The following CDK19 variants were observed in gnomAD, a reference collection of about 807,000 sequenced individuals.
The protein encoded by CDK19 is cyclin-dependent kinase 19.
CDK19 carries 20 observed loss-of-function variants against 68.3 expected under a neutral mutation model. The observed-to-expected ratio is 0.29, with a 90% CI of 0.21 to 0.43. CDK19 has a LOEUF of 0.43. Among genes scored for constraint, CDK19 ranks in the 20% least tolerant of loss-of-function variants. The pLI, the probability that CDK19 is intolerant of heterozygous loss-of-function variation, is 1.00. For missense variants in CDK19, 339 were observed against 623.5 expected (o/e 0.54, Z 4.86); for synonymous variants, 221 against 222.8 (o/e 0.99, Z 0.07).
chr6:110,754,727 G>A (rs1472627840), intron 1 of CDK19, among the ~76,000 whole-genome samples: 6 of 151,994 alleles, frequency 3.9e-5, no homozygotes, highest in Admixed American at 1.3e-4. Flanking sequence ...TGATGCACCC[G>A]CCTTGGCTTC....
At chr6:110,631,355 C>T (rs1453761010) in intron 6 of CDK19, among the ~76,000 whole-genome samples, 1 of 152,206 alleles carries the variant, frequency 6.6e-6, no homozygotes, top group Non-Finnish European at 1.5e-5. Flanking sequence ...TGACTCCCTC[C>T]ATTCACAGCT....
At chr6:110,743,655 A>G (rs913785430) in intron 2 of CDK19, among the ~76,000 whole-genome samples, 2 of 152,178 alleles carry the variant, frequency 1.3e-5, no homozygotes, top group African/African-American at 4.8e-5. Flanking sequence ...CAAAAAAAAA[A>G]GAATGAAGGC....
intron 2 of CDK19, among the ~76,000 whole-genome samples, chr6:110,742,419 T>C (rs1004794694): frequency 1.3e-5 from 2 of 152,154 alleles, no homozygotes; most frequent in African/African-American, 2.4e-5. Flanking sequence ...GTTTGAACAA[T>C]ATGAAATCAG....
At chr6:110,685,667 G>A (rs770401188) in intron 2 of CDK19, among the ~76,000 whole-genome samples, 73 of 152,168 alleles carry the variant, frequency 4.8e-4, no homozygotes, top group Non-Finnish European at 9.4e-4. Flanking sequence ...TAAAAAGTCT[G>A]ATAAATTGTT....
chr6:110,769,811 G>A (rs1779880731), intron 1 of CDK19, among the ~76,000 whole-genome samples: 1 of 152,150 alleles, frequency 6.6e-6, no homozygotes, highest in South Asian at 2.1e-4. Context: ...ACTCTATTGA[G>A]ATTCTCAACT....
rs569829246 is a variant in CDK19, at chr6:110,645,120, T to C, written c.457-6414A>G. On this transcript the variant is annotated intron_variant, in intron 4 of 12. Coordinates refer to ENST00000368911, the MANE Select transcript of CDK19 (RefSeq NM_015076.5). ...ATTAACTAGGATGATCTAGAGAGCA[T>C]ATACACAACTTTCTATCCAGTAATT... Among the ~76,000 whole-genome samples, 207 of 152,190 alleles carry C rather than the reference T, an allele frequency of 1.4e-3. 2 individuals are homozygous for C. Among genetic ancestry groups the C allele is most frequent in the Non-Finnish European group, 1.7e-3 (118 of 68,022 alleles).
intron 4 of CDK19, among the ~76,000 whole-genome samples, chr6:110,646,717 T>C (rs1391888742): frequency 6.6e-6 from 1 of 152,120 alleles, no homozygotes; most frequent in African/African-American, 2.4e-5. Flanking sequence ...TCCCTATCGA[T>C]GCAGTTAACC....
chr6:110,748,734 G>A (rs1778243951), intron 1 of CDK19, among the ~76,000 whole-genome samples: 1 of 152,220 alleles, frequency 6.6e-6, no homozygotes, highest in Admixed American at 6.5e-5. Context: ...ATATTTCAAT[G>A]ATTAGGCACA....
chr6:110,649,824 A>G (rs1780853054), intron 4 of CDK19, among the ~76,000 whole-genome samples: 1 of 152,194 alleles, frequency 6.6e-6, no homozygotes, highest in Admixed American at 6.5e-5. Flanking sequence ...GATGGGTTCA[A>G]AATTTAGAAC....
At chr6:110,801,946 TA>T (rs1412344346) in intron 1 of CDK19, among the ~76,000 whole-genome samples, 4 of 152,210 alleles carry the variant, frequency 2.6e-5, no homozygotes, top group African/African-American at 9.6e-5. Context: ...TCAACATCAC[TA>T]ATCATCAGAG....
chr6:110,647,313 T>C (rs1422601470), intron 4 of CDK19, among the ~76,000 whole-genome samples: 2 of 151,012 alleles, frequency 1.3e-5, no homozygotes, highest in Admixed American at 1.3e-4. Flanking sequence ...AGCCATGATG[T>C]GTTTAAGTAG....
intron 2 of CDK19, among the ~76,000 whole-genome samples, chr6:110,693,902 G>C (rs1773250477): frequency 6.6e-6 from 1 of 152,126 alleles, no homozygotes. Flanking sequence ...ATGAAGGGGA[G>C]ATAAAGTATT....
chr6:110,684,803 T>A (rs1046290079), intron 2 of CDK19, among the ~76,000 whole-genome samples: 1 of 152,200 alleles, frequency 6.6e-6, no homozygotes, highest in Non-Finnish European at 1.5e-5. Context: ...TTACTATACC[T>A]GCAATGATGC....
At chr6:110,717,765 G>T (rs897992106) in intron 2 of CDK19, among the ~76,000 whole-genome samples, 1 of 152,080 alleles carries the variant, frequency 6.6e-6, no homozygotes, top group Non-Finnish European at 1.5e-5. Context: ...GCAAGGGCAC[G>T]ATCTTGGCTC....
At chr6:110,616,082 TGAG>T (rs996195627) in intron 12 of CDK19, among the ~76,000 whole-genome samples, 7 of 152,152 alleles carry the variant, frequency 4.6e-5, no homozygotes, top group Non-Finnish European at 1.0e-4. Flanking sequence ...CTCCAAATTT[TGAG>T]GAGGCTGATA....
At chr6:110,641,646 A>G (rs868747282) in intron 4 of CDK19, among the ~76,000 whole-genome samples, 12 of 131,464 alleles carry the variant, frequency 9.1e-5, no homozygotes, top group East Asian at 4.4e-4. Flanking sequence ...AAAGGGAAAG[A>G]AAGGAAGGAA....
intron 1 of CDK19, among the ~76,000 whole-genome samples, chr6:110,761,632 G>A (rs1011229304): frequency 3.4e-5 from 5 of 146,912 alleles, no homozygotes; most frequent in African/African-American, 9.9e-5. Context: ...ATGTGGACTA[G>A]AGATAGAGAT....
intron 2 of CDK19, among the ~76,000 whole-genome samples, chr6:110,721,154 C>T (rs1278304343): frequency 6.6e-6 from 1 of 152,102 alleles, no homozygotes; most frequent in East Asian, 1.9e-4. Context: ...GCAGGAGAAT[C>T]GCTTGAACCC....
chr6:110,815,239 T>C lies in CDK19; in HGVS notation c.-103A>G. 1 of 1,148,830 alleles carries C rather than the reference T, an allele frequency of 8.7e-7. No homozygotes were observed. The highest frequency in any genetic ancestry group is 1.1e-6 in the Non-Finnish European group (1 of 913,194). The allele number at this position is 1,148,830 out of a possible 1,614,324, so 71.2% of individuals were successfully genotyped here. ...CCGCTCCACTTCTCCAACAGCCGCC[T>C]CTCGCGCGCGCGCGCGCGCCGCCCG... On this transcript the variant is annotated 5_prime_UTR_variant, in exon 1 of 13. Transcript: ENST00000368911.
Sources: allele counts gnomAD v4.1 joint callset (sites outside exome capture counted in the v4.1 genomes callset), GRCh38; gene constraint gnomAD v4.1.1; transcripts MANE v1.5; gene names NCBI Gene and HGNC (gene_info 2026-07-23, HGNC 2026-07-21).